Variants in PLD1 observed in about 807,000 individuals in gnomAD.
The protein encoded by PLD1 is choline phosphatase 1.
Under a neutral mutation model 137.1 loss-of-function variants are expected in PLD1, and 112 were observed. The observed-to-expected ratio is 0.82, with a 90% CI of 0.70 to 0.96. The LOEUF (loss-of-function observed/expected upper bound fraction) is 0.96, where lower values mean the gene tolerates loss of function less well. Ranked by LOEUF, PLD1 falls within the 40% of genes least tolerant of loss-of-function variation. The pLI, the probability that PLD1 is intolerant of heterozygous loss-of-function variation, is 0.00. For synonymous variants in PLD1, 431 were observed against 454.7 expected (o/e 0.95, Z 0.66); for missense variants, 1,321 against 1,342.0 (o/e 0.98, Z 0.24).
rs973813600 is a variant in PLD1 at position 171,602,285 on chromosome 3, G to C, written c.*793C>G. On this transcript the variant is annotated 3_prime_UTR_variant, in exon 27 of 27. Coordinates refer to ENST00000351298, the MANE Select transcript of PLD1 (RefSeq NM_002662.5). The stretch of plus-strand genomic sequence containing the variant: ...GCTCTCAGTTTTAGCTGGTTGTTAC[G>C]TAATCAAATATCCCATGCATGTTTT... The C allele has an allele frequency of 6.6e-6, 1 of 152,204 alleles. No individual in the cohort carries two copies. Among genetic ancestry groups the C allele is most frequent in the African/African-American group, 2.4e-5 (1 of 41,436 alleles). The allele number at this position is 152,204 out of a possible 1,614,324, so 9.4% of individuals were successfully genotyped here. A position where few individuals can be genotyped will look rare whatever the true frequency, so the allele number is the denominator to read the frequency against.
intron 16 of PLD1, among the ~76,000 whole-genome samples, chr3:171,685,028 T>C (rs1036893199): frequency 2.6e-5 from 4 of 152,256 alleles, no homozygotes; most frequent in Admixed American, 2.0e-4. Context: ...ACCAAGCTTG[T>C]CCAACCCACA....
At chr3:171,727,854 C>T (rs1002437592) in intron 6 of PLD1, among the ~76,000 whole-genome samples, 4 of 152,122 alleles carry the variant, frequency 2.6e-5, no homozygotes, top group Admixed American at 2.0e-4. Context: ...TATCTCAAGG[C>T]GTCCATCCTT....
chr3:171,687,464 G>C lies in PLD1; in HGVS notation c.1660C>G (p.Pro554Ala). 1 of 1,614,032 alleles carries C rather than the reference G, an allele frequency of 6.2e-7. No individual in the cohort carries two copies. The highest frequency in any genetic ancestry group is 1.1e-5 in the South Asian group (1 of 91,088). ...VDSKLKGIGK[P>A]RKFSKFSLYK... Reference sequence around the variant, plus strand: ...AGACTAAATTTGGAGAACTTTCTTGGCTTTCCTATTCCTTTCAGTTTTGAA... The same window carrying C: ...AGACTAAATTTGGAGAACTTTCTTGCCTTTCCTATTCCTTTCAGTTTTGAA... The change falls in exon 15 of 27, where the codon CCA (proline) becomes GCA (alanine). Residue 554 changes from proline (P) to alanine (A), a missense_variant. Physicochemically the swap from Pro to Ala is conservative, Grantham distance 27 (BLOSUM62 -1). Coordinates refer to ENST00000351298, the MANE Select transcript of PLD1 (RefSeq NM_002662.5).
intron 23 of PLD1, among the ~76,000 whole-genome samples, chr3:171,642,635 T>G (rs1310289615): frequency 6.6e-6 from 1 of 152,082 alleles, no homozygotes; most frequent in Non-Finnish European, 1.5e-5. Flanking sequence ...TGCTCGGTTT[T>G]TATTACCTAT....
chr3:171,687,699 G>A, intron 14 of PLD1, 115 bp from the exon 15 acceptor site: 2 of 679,292 alleles, frequency 2.9e-6, no homozygotes, highest in East Asian at 2.7e-5. Context: ...TTCTATAACA[G>A]ACATGCAATA....
intron 5 of PLD1, among the ~76,000 whole-genome samples, chr3:171,734,464 T>C (rs1372282591): frequency 1.3e-5 from 2 of 152,232 alleles, no homozygotes; most frequent in Non-Finnish European, 2.9e-5. Flanking sequence ...GCTCCATCTA[T>C]AGTTTAGGAA....
At chr3:171,720,892 T>C (rs1241367522) in intron 8 of PLD1, among the ~76,000 whole-genome samples, 1 of 152,218 alleles carries the variant, frequency 6.6e-6, no homozygotes, top group African/African-American at 2.4e-5. Flanking sequence ...TTGCTTCTCA[T>C]AAGGGTTAAA....
chr3:171,656,831 A>G (rs1291539313), intron 21 of PLD1, among the ~76,000 whole-genome samples: 5 of 152,226 alleles, frequency 3.3e-5, no homozygotes, highest in African/African-American at 1.2e-4. Flanking sequence ...GAAGTCCTCC[A>G]GGTATGAAAA....
intron 1 of PLD1, among the ~76,000 whole-genome samples, chr3:171,759,985 T>C (rs1721283965): frequency 6.6e-6 from 1 of 152,242 alleles, no homozygotes; most frequent in Non-Finnish European, 1.5e-5. Flanking sequence ...TGATATTTCA[T>C]TGTTGCTACA....
chr3:171,786,161 T>A (rs1205622683), intron 1 of PLD1, among the ~76,000 whole-genome samples: 1 of 152,228 alleles, frequency 6.6e-6, no homozygotes, highest in East Asian at 1.9e-4. Context: ...GTGGCACATT[T>A]TCCTGGCAGA....
chr3:171,662,815 G>T (rs1215132876), intron 19 of PLD1, among the ~76,000 whole-genome samples: 9 of 152,148 alleles, frequency 5.9e-5, no homozygotes, highest in African/African-American at 2.2e-4. Context: ...CTTTCTAATG[G>T]CATAATAAAG....
At chr3:171,625,711 C>T (rs1734043874) in intron 23 of PLD1, among the ~76,000 whole-genome samples, 1 of 152,210 alleles carries the variant, frequency 6.6e-6, no homozygotes. Context: ...CACTGTTCTG[C>T]AGCCACCGCT....
intron 1 of PLD1, among the ~76,000 whole-genome samples, chr3:171,777,287 G>A (rs1283139930): frequency 1.3e-5 from 2 of 152,204 alleles, no homozygotes; most frequent in Admixed American, 1.3e-4. Flanking sequence ...TGGTTTCTAT[G>A]TCCCAGGAAC....
intron 1 of PLD1, among the ~76,000 whole-genome samples, chr3:171,768,299 T>C (rs558215970): frequency 6.6e-6 from 1 of 152,284 alleles, no homozygotes; most frequent in East Asian, 1.9e-4. Flanking sequence ...TTCTGGTACG[T>C]AACCATAAGA....
chr3:171,615,922 T>C (rs1302719124), intron 24 of PLD1, among the ~76,000 whole-genome samples: 1 of 152,190 alleles, frequency 6.6e-6, no homozygotes, highest in Admixed American at 6.5e-5. Flanking sequence ...CTTTACTAGG[T>C]AACACCAGAA....
At chr3:171,623,331 T>TAA (rs1172050107) in intron 23 of PLD1, among the ~76,000 whole-genome samples, 22 of 150,402 alleles carry the variant, frequency 1.5e-4, no homozygotes, top group African/African-American at 5.2e-4. Context: ...TTTTTTTTTT[T>TAA]TGAGATGGAG....
chr3:171,620,769 TTA>T (rs1560151115), intron 23 of PLD1, among the ~76,000 whole-genome samples: 1 of 88,538 alleles, frequency 1.1e-5, no homozygotes, highest in African/African-American at 6.7e-5. Flanking sequence ...TATATATATA[TTA>T]TATATATTTT....
At chr3:171,767,961 G>A (rs971699283) in intron 1 of PLD1, among the ~76,000 whole-genome samples, 7 of 151,532 alleles carry the variant, frequency 4.6e-5, no homozygotes, top group African/African-American at 1.7e-4. Flanking sequence ...AGAGAGGGGG[G>A]CTGGGGCTTA....
chr3:171,688,041 T>C (rs1030714763), intron 14 of PLD1, among the ~76,000 whole-genome samples: 1 of 152,222 alleles, frequency 6.6e-6, no homozygotes, highest in Non-Finnish European at 1.5e-5. Context: ...TTTTAATAAG[T>C]GTATTCATAT....
Sources: allele counts gnomAD v4.1 joint callset (sites outside exome capture counted in the v4.1 genomes callset), GRCh38; gene constraint gnomAD v4.1.1; transcripts MANE v1.5; gene names NCBI Gene and HGNC (gene_info 2026-07-23, HGNC 2026-07-21).